PTPRK: variants seen among roughly 807,000 people sequenced by gnomAD.
The protein encoded by PTPRK is receptor-type tyrosine-protein phosphatase kappa.
In PTPRK, 75 loss-of-function variants were observed where a neutral mutation model predicts 178.0. The observed-to-expected ratio is 0.42, with a 90% CI of 0.35 to 0.51. The LOEUF (loss-of-function observed/expected upper bound fraction) is 0.51, where lower values mean the gene tolerates loss of function less well. Among genes scored for constraint, PTPRK ranks in the 20% least tolerant of loss-of-function variants. The pLI is 0.02. For missense variants in PTPRK, 1,441 were observed against 1,797.8 expected (o/e 0.80, Z 3.59); for synonymous variants, 637 against 620.6 (o/e 1.03, Z -0.39).
At chr6:128,171,721 G>T (rs1800287987) in intron 7 of PTPRK, among the ~76,000 whole-genome samples, 1 of 151,792 alleles carries the variant, frequency 6.6e-6, no homozygotes, top group African/African-American at 2.4e-5. Context: ...TATATTAAAG[G>T]GCTGTAAGTA....
At chr6:128,133,293 T>C (rs1794534590) in intron 7 of PTPRK, among the ~76,000 whole-genome samples, 1 of 152,198 alleles carries the variant, frequency 6.6e-6, no homozygotes, top group Admixed American at 6.5e-5. Context: ...GGTTTAAAAT[T>C]TGTATTATTT....
At chr6:128,158,459 C>T (rs1798247887) in intron 7 of PTPRK, among the ~76,000 whole-genome samples, 2 of 151,832 alleles carry the variant, frequency 1.3e-5, no homozygotes, top group Admixed American at 1.3e-4. Flanking sequence ...TTTAAGTGAA[C>T]AGCTTCTCTG....
intron 13 of PTPRK, among the ~76,000 whole-genome samples, chr6:128,043,741 C>T (rs973184122): frequency 5.3e-5 from 8 of 151,772 alleles, no homozygotes; most frequent in Admixed American, 4.6e-4. Context: ...TGTTATTACA[C>T]ACTATCATCT....
At chr6:127,988,847 T>C (rs1290728071) in intron 21 of PTPRK, among the ~76,000 whole-genome samples, 1 of 151,998 alleles carries the variant, frequency 6.6e-6, no homozygotes, top group African/African-American at 2.4e-5. Context: ...CTTTGTTCTA[T>C]TCTACTTTTT....
At chr6:128,234,823 T>C (rs1812934021) in intron 5 of PTPRK, among the ~76,000 whole-genome samples, 2 of 152,308 alleles carry the variant, frequency 1.3e-5, no homozygotes, top group South Asian at 2.1e-4. Flanking sequence ...TGTCTTAATT[T>C]CTCTTGGGCA....
chr6:128,201,334 C>A (rs2128258107), intron 6 of PTPRK, among the ~76,000 whole-genome samples: 1 of 152,168 alleles, frequency 6.6e-6, no homozygotes, highest in East Asian at 1.9e-4. Flanking sequence ...TTTAATAAAC[C>A]ACACTTATGC....
intron 3 of PTPRK, among the ~76,000 whole-genome samples, chr6:128,310,390 G>A (rs1262598716): frequency 6.6e-6 from 1 of 152,140 alleles, no homozygotes; most frequent in Non-Finnish European, 1.5e-5. Flanking sequence ...TGATAACTAA[G>A]AAGCACAGGA....
At chr6:128,187,509 C>T (rs993469683) in intron 6 of PTPRK, among the ~76,000 whole-genome samples, 1 of 152,172 alleles carries the variant, frequency 6.6e-6, no homozygotes, top group Non-Finnish European at 1.5e-5. Context: ...TCAACTCCTA[C>T]ATACACCAAC....
chr6:128,513,493 A>AAAAGAAAGAAAGAAAGAAAGAAAG (rs562818808), intron 1 of PTPRK, among the ~76,000 whole-genome samples: 2 of 150,244 alleles, frequency 1.3e-5, no homozygotes, highest in African/African-American at 5.0e-5. Flanking sequence ...CAAAAAAAAA[A>AAAAGAAAGAAAGAAAGAAAGAAAG]AAAGAAAGAA....
At chr6:128,168,013 A>G (rs551504915) in intron 7 of PTPRK, among the ~76,000 whole-genome samples, 1 of 152,208 alleles carries the variant, frequency 6.6e-6, no homozygotes, top group East Asian at 1.9e-4. Context: ...AACTTTAAAA[A>G]TCTTATTTAA....
At chr6:128,032,702 AG>A (rs1313453194) in intron 13 of PTPRK, among the ~76,000 whole-genome samples, 4 of 152,196 alleles carry the variant, frequency 2.6e-5, no homozygotes, top group Non-Finnish European at 5.9e-5. Flanking sequence ...AAAGGCCTCC[AG>A]GGTTTTGTAG....
At chr6:128,497,527 A>G (rs959511257) in intron 1 of PTPRK, among the ~76,000 whole-genome samples, 1 of 152,300 alleles carries the variant, frequency 6.6e-6, no homozygotes, top group Middle Eastern at 3.4e-3. Flanking sequence ...GTTTGAAATG[A>G]GTAAATAGAA....
intron 6 of PTPRK, among the ~76,000 whole-genome samples, chr6:128,209,137 C>T (rs1401019893): frequency 6.6e-6 from 1 of 151,906 alleles, no homozygotes; most frequent in Non-Finnish European, 1.5e-5. Flanking sequence ...TGTAAGAGCC[C>T]CCTTAACTTA....
intron 20 of PTPRK, 84 bp downstream of exon 20, chr6:127,991,210 T>G: frequency 5.9e-5 from 61 of 1,039,496 alleles, no homozygotes; most frequent in Middle Eastern, 2.2e-4. Flanking sequence ...AACAATTGGA[T>G]GATATTCTAT....
intron 5 of PTPRK, among the ~76,000 whole-genome samples, chr6:128,229,478 C>T (rs1306676593): frequency 6.6e-6 from 1 of 152,088 alleles, no homozygotes; most frequent in Non-Finnish European, 1.5e-5. Flanking sequence ...CTGAAACGAT[C>T]TAGAAATGAG....
intron 2 of PTPRK, among the ~76,000 whole-genome samples, chr6:128,328,482 C>T (rs962888491): frequency 2.0e-5 from 3 of 152,054 alleles, no homozygotes; most frequent in Admixed American, 6.6e-5. Flanking sequence ...CAGAAAATGT[C>T]AAAACAACAA....
chr6:128,330,089 AC>A (rs1361066643), intron 2 of PTPRK, among the ~76,000 whole-genome samples: 1 of 152,186 alleles, frequency 6.6e-6, no homozygotes, highest in Non-Finnish European at 1.5e-5. Context: ...GTAACAAAGA[AC>A]ATGCCAGAAA....
intron 7 of PTPRK, among the ~76,000 whole-genome samples, chr6:128,108,069 AACACACACACACACACACACACACAC>A (rs67513455): frequency 4.5e-5 from 6 of 133,860 alleles, no homozygotes; most frequent in Admixed American, 1.6e-4. Flanking sequence ...TAAATAGCAA[AACACACACACACACACACACACACAC>A]ACACACACAC....
intron 8 of PTPRK, among the ~76,000 whole-genome samples, chr6:128,087,974 A>T (rs1038742268): frequency 1.3e-5 from 2 of 152,210 alleles, no homozygotes; most frequent in African/African-American, 4.8e-5. Flanking sequence ...TTTTATGGCA[A>T]GCTAATAGAA....
Sources: allele counts gnomAD v4.1 joint callset (sites outside exome capture counted in the v4.1 genomes callset), GRCh38; gene constraint gnomAD v4.1.1; transcripts MANE v1.5; gene names NCBI Gene and HGNC (gene_info 2026-07-23, HGNC 2026-07-21).